The following SLC5A10 variants were observed in gnomAD, a reference collection of about 807,000 sequenced individuals.
The protein encoded by SLC5A10 is solute carrier family 5 member 10.
Under a neutral mutation model 68.9 loss-of-function variants are expected in SLC5A10, and 55 were observed. The ratio of observed to expected loss-of-function variants is 0.80; its 90% CI spans 0.64 to 1.00. The LOEUF is 1.00. Among genes scored for constraint, SLC5A10 ranks in the 50% least tolerant of loss-of-function variants. SLC5A10 has a pLI of 0.00. For missense variants in SLC5A10, 732 were observed against 819.3 expected, an observed-to-expected ratio of 0.89 and a Z score of 1.30; for synonymous variants, 344 against 344.8, an observed-to-expected ratio of 1.00 and a Z score of 0.02.
At position 18,968,647 on chromosome 17, in the gene SLC5A10, T is replaced by C. The variant is rs1318942701; in HGVS notation, c.454-405T>C. 5.8e-6 allele frequency: 1 copy of C among 173,462 alleles called. No individual in the cohort carries two copies. Among genetic ancestry groups the C allele is most frequent in the Non-Finnish European group, 1.2e-5 (1 of 82,712 alleles). The allele number at this position is 173,462 out of a possible 1,614,324, so 10.7% of individuals were successfully genotyped here. A position where few individuals can be genotyped will look rare whatever the true frequency, so the allele number is the denominator to read the frequency against. On this transcript the variant is annotated intron_variant, in intron 5 of 14. Coordinates refer to ENST00000395645, the MANE Select transcript of SLC5A10 (RefSeq NM_001042450.4). This position sits in a 1 kb window ranked among gnomAD's most constrained non-coding sequence, Gnocchi z 4.1. Reference sequence around the variant, plus strand: ...ACACACTTTTCCTGAGGCCTACTGGTCCGCCCAGCACACACTTTTCCTGAG... The same window carrying C: ...ACACACTTTTCCTGAGGCCTACTGGCCCGCCCAGCACACACTTTTCCTGAG...
At position 19,003,075 on chromosome 17, in the gene SLC5A10, T is replaced by G. The variant is rs1410027608; in HGVS notation, c.983-10335T>G. On this transcript the variant is annotated intron_variant, in intron 9 of 14. Coordinates refer to ENST00000395645, the MANE Select transcript of SLC5A10 (RefSeq NM_001042450.4). The surrounding 1 kb of genome is among the most constrained non-coding windows in gnomAD (Gnocchi z 4.5). ...CAAGGACCTCCAGGCCAGTCTCAGA[T>G]GGACTTGGACCATGCCTATTCCCTC... is the stretch of plus-strand genomic sequence containing the variant. Among the ~76,000 whole-genome samples the G allele has an allele frequency of 2.0e-5, 3 of 152,064 alleles. No homozygotes were observed. Among genetic ancestry groups the G allele is most frequent in the Non-Finnish European group, 2.9e-5 (2 of 68,004 alleles).
intron 8 of SLC5A10, 96 bp from the exon 9 acceptor site, chr17:18,976,758 G>T: frequency 6.7e-7 from 1 of 1,492,012 alleles, no homozygotes; most frequent in Non-Finnish European, 9.0e-7. Context: ...GGACATCATC[G>T]TGCCTCATGC....
At chr17:19,020,106 C>G in intron 13 of SLC5A10, 49 bp from the exon 14 acceptor site, 1 of 1,120,524 alleles carries the variant, frequency 8.9e-7, no homozygotes, top group Non-Finnish European at 1.3e-6. Flanking sequence ...GGGTCACCCC[C>G]ACCCTGCCAT....
At chr17:19,019,333 T>C (rs2044207856) in intron 11 of SLC5A10, 90 bp from the exon 12 acceptor site, 1 of 1,473,806 alleles carries the variant, frequency 6.8e-7, no homozygotes, top group Admixed American at 2.0e-5. Context: ...AGGGGAAAGA[T>C]TAGAGAGCAA....
At position 19,003,531 on chromosome 17, in the gene SLC5A10, G is replaced by C. The variant is rs550503280; in HGVS notation, c.983-9879G>C. On this transcript the variant is annotated intron_variant, in intron 9 of 14. Coordinates refer to ENST00000395645, the MANE Select transcript of SLC5A10 (RefSeq NM_001042450.4). The surrounding 1 kb of genome is among the most constrained non-coding windows in gnomAD (Gnocchi z 4.5). ...CCGCGCTGCCTCACCTTCTGTGCCT[G>C]GCTGATCATCTTCCGCACCACCTCT... 3.3e-6 allele frequency: 5 copies of C among 1,537,866 alleles called. No individual in the cohort carries two copies. In the African/African-American group the frequency reaches 5.5e-5, roughly 17 times the overall value.
rs1423568771 is a variant in SLC5A10, at chr17:19,020,141, C to T, written c.1627-14C>T. On this transcript the variant is annotated splice_polypyrimidine_tract_variant and intron_variant, in intron 13 of 14. Transcript: ENST00000395645. ...TCCCCCACCCCCAACCCTATCCTCA[C>T]TCATTTCTTACAGATTGAGAACCTT... The T allele has an allele frequency of 6.8e-7, 1 of 1,466,164 alleles. No individual in the cohort carries two copies. Among genetic ancestry groups the T allele is most frequent in the Non-Finnish European group, 9.4e-7 (1 of 1,064,474 alleles). 90.8% of individuals were successfully genotyped at this position (1,466,164 alleles called of 1,614,324 possible).
In SLC5A10 at chr17:19,022,286, A is replaced by T; in HGVS notation, c.*1855A>T. 1 of 501,364 alleles carries T rather than the reference A, an allele frequency of 2.0e-6. No homozygotes were observed. Among genetic ancestry groups the T allele is most frequent in the Admixed American group, 4.1e-5 (1 of 24,554 alleles). The allele number at this position is 501,364 out of a possible 1,614,324, so 31.1% of individuals were successfully genotyped here. A position where few individuals can be genotyped will look rare whatever the true frequency, so the allele number is the denominator to read the frequency against. On this transcript the variant is annotated 3_prime_UTR_variant, in exon 15 of 15. Transcript: ENST00000395645. ...CGGAGTTGAACTTTAAGTCCAGATC[A>T]ATGGTAGTGCCACCACTGGGCCTCC...
chr17:18,988,053 G>C (rs1049365766), intron 9 of SLC5A10, among the ~76,000 whole-genome samples: 3 of 152,242 alleles, frequency 2.0e-5, no homozygotes, highest in Non-Finnish European at 4.4e-5. Flanking sequence ...CCACGTTGGA[G>C]GTAGTGAGTA....
intron 11 of SLC5A10, among the ~76,000 whole-genome samples, chr17:19,016,138 C>T (rs780317912): frequency 2.0e-4 from 31 of 152,086 alleles, no homozygotes; most frequent in Non-Finnish European, 3.1e-4. Flanking sequence ...CTCCACCTCC[C>T]GGGTTCAAGA....
chr17:18,990,422 A>C (rs1405021230), intron 9 of SLC5A10, among the ~76,000 whole-genome samples: 3 of 152,184 alleles, frequency 2.0e-5, no homozygotes, highest in Non-Finnish European at 4.4e-5. Context: ...TAGTTAAGCC[A>C]CTTCTGAGCA....
chr17:18,979,141 G>T, intron 9 of SLC5A10: 1 of 516,236 alleles, frequency 1.9e-6, no homozygotes, highest in East Asian at 3.4e-5. Flanking sequence ...ACTGTGGGGG[G>T]TTCTGCATGT....
intron 9 of SLC5A10, chr17:18,979,406 G>T: frequency 1.0e-6 from 1 of 959,792 alleles, no homozygotes; most frequent in African/African-American, 1.7e-5. Flanking sequence ...ACAGACAGGC[G>T]GGCAGATGTG....
At chr17:19,001,082 G>A (rs926478418) in intron 9 of SLC5A10, among the ~76,000 whole-genome samples, 2 of 152,154 alleles carry the variant, frequency 1.3e-5, no homozygotes, top group South Asian at 2.1e-4. Context: ...CTTGGGCAGC[G>A]ACTAACCAGT....
At position 19,017,649 on chromosome 17, in the gene SLC5A10, C is replaced by T. The variant is rs935331225; in HGVS notation, c.1242-1774C>T. On this transcript the variant is annotated intron_variant, in intron 11 of 14. Transcript: ENST00000395645. The surrounding 1 kb of genome is among the most constrained non-coding windows in gnomAD (Gnocchi z 5.6). ...CCTCAGTCCACTGTTCCGCCACTGC[C>T]CCCCTGCCCCACTCTCCCCTGTCTG... The T allele has an allele frequency of 6.4e-6, 3 of 467,470 alleles. No homozygotes were observed. In the Admixed American group the frequency reaches 1.1e-4, roughly 17 times the overall value. 29.0% of individuals were successfully genotyped at this position (467,470 alleles called of 1,614,324 possible).
intron 9 of SLC5A10, among the ~76,000 whole-genome samples, chr17:18,993,107 G>A (rs1196325019): frequency 3.3e-5 from 5 of 152,152 alleles, no homozygotes; most frequent in South Asian, 2.1e-4. Flanking sequence ...GGGAAACCAC[G>A]GGTGCACAGG....
At chr17:19,012,448 G>GCAAA (rs559087074) in intron 9 of SLC5A10, among the ~76,000 whole-genome samples, 1 of 152,374 alleles carries the variant, frequency 6.6e-6, no homozygotes, top group South Asian at 2.1e-4. Flanking sequence ...ATAGCACGAG[G>GCAAA]CAAACCCCGT....
intron 5 of SLC5A10, among the ~76,000 whole-genome samples, chr17:18,965,116 GC>G (rs935252490): frequency 2.0e-5 from 3 of 151,282 alleles, no homozygotes; most frequent in Non-Finnish European, 4.4e-5. Context: ...GAAATGCAGA[GC>G]CCCAGATCTT....
At chr17:18,957,591 G>A (rs564108357) in intron 1 of SLC5A10, among the ~76,000 whole-genome samples, 205 of 152,122 alleles carry the variant, frequency 1.3e-3, no homozygotes, top group African/African-American at 4.7e-3. Flanking sequence ...TCAGCCTCCC[G>A]AGTAGCTGGG....
rs2043570001 is a variant in SLC5A10, at chr17:18,996,265, C to G, written c.983-17145C>G. ...CATTACCAGCAGACCCGCACTCCCTCCTCCAGCTGCAACCCCCTCCTCCAG... is the reference window on the plus strand; with the variant it reads ...CATTACCAGCAGACCCGCACTCCCTGCTCCAGCTGCAACCCCCTCCTCCAG... On this transcript the variant is annotated intron_variant, in intron 9 of 14. Transcript: ENST00000395645. The surrounding 1 kb of genome is among the most constrained non-coding windows in gnomAD (Gnocchi z 4.4). Among the ~76,000 whole-genome samples the G allele has an allele frequency of 6.6e-6, 1 of 152,154 alleles. No individual in the cohort carries two copies. Among genetic ancestry groups the G allele is most frequent in the Non-Finnish European group, 1.5e-5 (1 of 68,018 alleles).
Sources: allele counts gnomAD v4.1 joint callset (sites outside exome capture counted in the v4.1 genomes callset), GRCh38; gene constraint gnomAD v4.1.1; non-coding constraint Gnocchi (gnomAD v3.1); transcripts MANE v1.5; gene names NCBI Gene and HGNC (gene_info 2026-07-23, HGNC 2026-07-21).